GABRB3: variants seen among roughly 807,000 people sequenced by gnomAD.
The protein encoded by GABRB3 is gamma-aminobutyric acid receptor subunit beta-3.
GABRB3 carries 14 observed loss-of-function variants against 52.1 expected under a neutral mutation model. The ratio of observed to expected loss-of-function variants is 0.27; its 90% CI spans 0.18 to 0.42. GABRB3 has a LOEUF of 0.42. GABRB3 is among the 10% of genes least tolerant of loss of function. GABRB3 has a pLI of 1.00. For missense variants in GABRB3, 307 were observed against 609.1 expected (o/e 0.50, Z 5.22); for synonymous variants, 260 against 232.3 (o/e 1.12, Z -1.08).
chr15:26,687,028 C>T (rs1437899067), intron 3 of GABRB3, among the ~76,000 whole-genome samples: 1 of 152,224 alleles, frequency 6.6e-6, no homozygotes, highest in African/African-American at 2.4e-5. Flanking sequence ...TGCCAAGAGG[C>T]GCACAGGGAT....
intron 8 of GABRB3, among the ~76,000 whole-genome samples, chr15:26,556,674 G>T (rs1048816877): frequency 6.7e-6 from 1 of 148,724 alleles, no homozygotes; most frequent in Non-Finnish European, 1.5e-5. Context: ...GTGAATATGT[G>T]AATGTCTTAA....
At chr15:26,569,545 A>G (rs1047141315) in intron 6 of GABRB3, among the ~76,000 whole-genome samples, 5 of 152,246 alleles carry the variant, frequency 3.3e-5, no homozygotes, top group African/African-American at 1.2e-4. Flanking sequence ...CTGTAGATTT[A>G]GGTGTTTTCA....
intron 6 of GABRB3, among the ~76,000 whole-genome samples, chr15:26,579,866 C>T (rs1391560339): frequency 6.6e-6 from 1 of 152,144 alleles, no homozygotes; most frequent in Non-Finnish European, 1.5e-5. Flanking sequence ...GCAAGGCGGA[C>T]TGGAGGTGGC....
intron 3 of GABRB3, among the ~76,000 whole-genome samples, chr15:26,648,368 C>T (rs374506370): frequency 6.6e-6 from 1 of 152,172 alleles, no homozygotes; most frequent in Admixed American, 6.5e-5. Context: ...GTTCTGTTTG[C>T]ACAGAGTAAT....
At chr15:26,666,039 C>G (rs1887700589) in intron 3 of GABRB3, among the ~76,000 whole-genome samples, 1 of 152,160 alleles carries the variant, frequency 6.6e-6, no homozygotes, top group Admixed American at 6.5e-5. Flanking sequence ...TTACCAAGCA[C>G]ACGCACAAAC....
At chr15:26,560,910 G>A (rs41301771) in intron 8 of GABRB3, 22 bp downstream of exon 8, 43 of 1,613,038 alleles carry the variant, frequency 2.7e-5, no homozygotes, top group Admixed American at 6.7e-5. Flanking sequence ...ACCAGGTGGG[G>A]TCAAGGTGGT....
intron 4 of GABRB3, among the ~76,000 whole-genome samples, chr15:26,607,085 G>A (rs982028733): frequency 3.3e-5 from 5 of 152,148 alleles, no homozygotes; most frequent in South Asian, 4.1e-4. Context: ...AACCAATCTC[G>A]CTGTTTCTGT....
chr15:26,566,831 T>C (rs76931653), intron 7 of GABRB3, among the ~76,000 whole-genome samples: 2,468 of 152,278 alleles, frequency 0.016, 52 homozygotes, highest in African/African-American at 0.054. Context: ...TTCTTTTCCA[T>C]CAATTTTTAT....
At chr15:26,763,033 A>G (rs1276571645) in intron 3 of GABRB3, among the ~76,000 whole-genome samples, 1 of 152,244 alleles carries the variant, frequency 6.6e-6, no homozygotes, top group Non-Finnish European at 1.5e-5. Flanking sequence ...GTCCTCAGAC[A>G]GGTATCCCCG....
At chr15:26,768,100 C>T (rs1303237599) in intron 3 of GABRB3, among the ~76,000 whole-genome samples, 1 of 151,968 alleles carries the variant, frequency 6.6e-6, no homozygotes, top group Non-Finnish European at 1.5e-5. Flanking sequence ...GAGTATGTCT[C>T]ATGATAACTA....
rs1376480634 is a variant in GABRB3 at position 26,544,098 on chromosome 15, A to G, written c.*3695T>C. 5 of 152,480 alleles carry G rather than the reference A, an allele frequency of 3.3e-5. No homozygotes were observed. Among genetic ancestry groups the G allele is most frequent in the African/African-American group, 1.2e-4 (5 of 41,450 alleles). 9.4% of individuals were successfully genotyped at this position (152,480 alleles called of 1,614,324 possible). On this transcript the variant is annotated 3_prime_UTR_variant, in exon 9 of 9. Transcript: ENST00000311550. ...TCCAAGAGTAACAAAATGTTTCACC[A>G]ATTGTTCAGTTTTGCTTACATAAAA...
At chr15:26,570,878 G>A (rs1483738903) in intron 6 of GABRB3, among the ~76,000 whole-genome samples, 1 of 151,924 alleles carries the variant, frequency 6.6e-6, no homozygotes, top group East Asian at 1.9e-4. Flanking sequence ...AAGCTGTACA[G>A]TCCCCAGGGC....
At chr15:26,736,579 C>T (rs1453099224) in intron 3 of GABRB3, among the ~76,000 whole-genome samples, 1 of 152,238 alleles carries the variant, frequency 6.6e-6, no homozygotes, top group African/African-American at 2.4e-5. Flanking sequence ...AGCTGCCCCT[C>T]GGCAGTGAGC....
At chr15:26,616,134 C>A in intron 4 of GABRB3, 18 of 1,232,830 alleles carry the variant, frequency 1.5e-5, no homozygotes, top group Non-Finnish European at 1.9e-5. Flanking sequence ...ATGTCACCAT[C>A]CAGCCAGTGC....
chr15:26,695,679 G>C (rs902013135), intron 3 of GABRB3, among the ~76,000 whole-genome samples: 2 of 152,074 alleles, frequency 1.3e-5, no homozygotes, highest in Admixed American at 1.3e-4. Context: ...AAAAATAAGT[G>C]ATGGTAAAAT....
intron 5 of GABRB3, among the ~76,000 whole-genome samples, chr15:26,582,098 C>A (rs1182456637): frequency 6.6e-6 from 1 of 152,278 alleles, no homozygotes; most frequent in Non-Finnish European, 1.5e-5. Context: ...ATCCCTTCTT[C>A]CACTCAAATG....
intron 3 of GABRB3, among the ~76,000 whole-genome samples, chr15:26,753,093 C>CCTAACTTCTGAG (rs1890560868): frequency 2.0e-5 from 3 of 152,160 alleles, no homozygotes; most frequent in Admixed American, 6.5e-5. Flanking sequence ...CTCAGAACTC[C>CCTAACTTCTGAG]CTAACTTCTG....
chr15:26,685,495 C>A (rs557446758), intron 3 of GABRB3, among the ~76,000 whole-genome samples: 1 of 152,102 alleles, frequency 6.6e-6, no homozygotes, highest in African/African-American at 2.4e-5. Flanking sequence ...AATACTTCAC[C>A]AAGCATTTGT....
intron 3 of GABRB3, chr15:26,628,913 G>C: frequency 1.4e-6 from 2 of 1,457,212 alleles, no homozygotes; most frequent in Non-Finnish European, 1.9e-6. Flanking sequence ...AGGTGTGGGG[G>C]AGTCAGGTGC....
Sources: allele counts gnomAD v4.1 joint callset (sites outside exome capture counted in the v4.1 genomes callset), GRCh38; gene constraint gnomAD v4.1.1; transcripts MANE v1.5; gene names NCBI Gene and HGNC (gene_info 2026-07-23, HGNC 2026-07-21).